Variants in ANKRD31 observed in about 807,000 individuals in gnomAD.
ANKRD31 encodes the protein ankyrin repeat domain 31, also known as ankyrin repeat domain-containing protein 31.
In ANKRD31, 147 loss-of-function variants were observed where a neutral mutation model predicts 186.0. The ratio of observed to expected loss-of-function variants is 0.79; its 90% CI spans 0.69 to 0.91. ANKRD31 has a LOEUF of 0.91. ANKRD31 is among the 40% of genes least tolerant of loss of function. The pLI, the probability that ANKRD31 is intolerant of heterozygous loss-of-function variation, is 0.00. For synonymous variants in ANKRD31, 673 were observed against 736.4 expected (o/e 0.91, Z 1.39); for missense variants, 1,986 against 2,148.8 (o/e 0.92, Z 1.50).
intron 3 of ANKRD31, among the ~76,000 whole-genome samples, chr5:75,220,279 C>G (rs1757205056): frequency 6.6e-6 from 1 of 152,078 alleles, no homozygotes; most frequent in Non-Finnish European, 1.5e-5. Context: ...ATACATCTGA[C>G]AAAGGTCTAA....
chr5:75,136,512 C>G (rs557428602), intron 17 of ANKRD31, among the ~76,000 whole-genome samples: 9 of 152,178 alleles, frequency 5.9e-5, no homozygotes, highest in Admixed American at 5.2e-4. Flanking sequence ...AGTCAGGAAA[C>G]AACAGGTGCT....
intron 22 of ANKRD31, among the ~76,000 whole-genome samples, chr5:75,103,453 G>T (rs1368961437): frequency 1.3e-5 from 2 of 152,154 alleles, no homozygotes; most frequent in African/African-American, 4.8e-5. Context: ...ATTCCTCAAA[G>T]ATCTAGAACC....
chr5:75,201,700 G>C (rs1755833223), intron 5 of ANKRD31, among the ~76,000 whole-genome samples: 2 of 152,122 alleles, frequency 1.3e-5, no homozygotes, highest in South Asian at 4.1e-4. Context: ...ACCAAAGTTG[G>C]TTCAGGCCTT....
At chr5:75,218,021 A>C (rs1757066742) in intron 3 of ANKRD31, among the ~76,000 whole-genome samples, 1 of 152,132 alleles carries the variant, frequency 6.6e-6, no homozygotes, top group Non-Finnish European at 1.5e-5. Context: ...AACTAAACAT[A>C]CAACTAGAAG....
chr5:75,088,773 T>C lies in ANKRD31; in HGVS notation c.5472+2488A>G, dbSNP rs1247418631. ...TCCCAAACCTTTGTTTTCATATCCA[T>C]GAACAGAAATAATAGTTGATCTTCC... On this transcript the variant is annotated intron_variant, in intron 23 of 25. Coordinates refer to ENST00000506364, the MANE Select transcript of ANKRD31 (RefSeq NM_001372053.1). 4.6e-5 allele frequency among the ~76,000 whole-genome samples: 7 copies of C among 152,314 alleles called. No homozygotes were observed. The East Asian group carries it at 9.6e-4, about 21-fold the overall frequency.
intron 11 of ANKRD31, among the ~76,000 whole-genome samples, chr5:75,157,484 T>A (rs1378406968): frequency 6.6e-6 from 1 of 152,190 alleles, no homozygotes; most frequent in Non-Finnish European, 1.5e-5. Flanking sequence ...ATTTGGGAAA[T>A]TCTGTCCATC....
At chr5:75,199,861 T>A (rs1351865493) in intron 5 of ANKRD31, among the ~76,000 whole-genome samples, 187 bp from the exon 6 acceptor site, 1 of 152,198 alleles carries the variant, frequency 6.6e-6, no homozygotes, top group East Asian at 1.9e-4. Flanking sequence ...ATAAAATTCT[T>A]GCATTTCTTA....
chr5:75,159,048 A>G (rs1752399066), intron 11 of ANKRD31, among the ~76,000 whole-genome samples: 2 of 152,174 alleles, frequency 1.3e-5, no homozygotes, highest in Non-Finnish European at 2.9e-5. Flanking sequence ...AAAAAAATCA[A>G]ATGGAAATTC....
chr5:75,094,144 G>C (rs1177028955), intron 22 of ANKRD31, among the ~76,000 whole-genome samples: 2 of 152,178 alleles, frequency 1.3e-5, no homozygotes, highest in Non-Finnish European at 2.9e-5. Context: ...AAAGAGGTAG[G>C]TGGGAGCAAA....
intron 18 of ANKRD31, 112 bp from the exon 19 acceptor site, chr5:75,116,793 A>G: frequency 2.0e-6 from 1 of 502,066 alleles, no homozygotes. Context: ...CAACTATTAT[A>G]ATATCTTAAC....
chr5:75,078,158 C>T (rs1175105464), intron 25 of ANKRD31, among the ~76,000 whole-genome samples: 6 of 151,862 alleles, frequency 4.0e-5, no homozygotes, highest in East Asian at 1.9e-4. Context: ...GAAAAAGAAT[C>T]GAGAGTGGTA....
At chr5:75,208,259 T>C (rs1378654830) in intron 4 of ANKRD31, among the ~76,000 whole-genome samples, 2 of 152,140 alleles carry the variant, frequency 1.3e-5, no homozygotes, top group South Asian at 4.1e-4. Context: ...GGGAGGAGTA[T>C]TTTAATAGCC....
chr5:75,166,508 T>G (rs1189640629), intron 11 of ANKRD31, among the ~76,000 whole-genome samples: 1 of 152,068 alleles, frequency 6.6e-6, no homozygotes, highest in African/African-American at 2.4e-5. Flanking sequence ...AAGGGTTCAC[T>G]GTAGACACAC....
At chr5:75,081,950 AC>A (rs1429442008) in intron 24 of ANKRD31, among the ~76,000 whole-genome samples, 1 of 152,126 alleles carries the variant, frequency 6.6e-6, no homozygotes, top group Non-Finnish European at 1.5e-5. Flanking sequence ...ACTGGGCCTT[AC>A]CCCATGATTT....
At chr5:75,103,538 A>T (rs1747082025) in intron 22 of ANKRD31, among the ~76,000 whole-genome samples, 1 of 152,230 alleles carries the variant, frequency 6.6e-6, no homozygotes, top group South Asian at 2.1e-4. Context: ...TGTTACAAAG[A>T]TACATGCACA....
intron 20 of ANKRD31, among the ~76,000 whole-genome samples, chr5:75,108,819 G>A (rs767851217): frequency 5.9e-5 from 9 of 152,092 alleles, no homozygotes; most frequent in Non-Finnish European, 1.3e-4. Flanking sequence ...ATTTTGTTCA[G>A]CAGATTTGAC....
intron 19 of ANKRD31, among the ~76,000 whole-genome samples, 175 bp from the exon 20 acceptor site, chr5:75,112,775 G>T (rs150382008): frequency 6.6e-6 from 1 of 152,136 alleles, no homozygotes; most frequent in Non-Finnish European, 1.5e-5. Flanking sequence ...TATAAATGTT[G>T]CAGATTTGAA....
chr5:75,104,198 C>T, intron 22 of ANKRD31, 30 bp downstream of exon 22: 2 of 1,428,284 alleles, frequency 1.4e-6, no homozygotes, highest in Non-Finnish European at 1.8e-6. Context: ...ATAAAATTTG[C>T]ATGATTTTAG....
intron 9 of ANKRD31, among the ~76,000 whole-genome samples, chr5:75,189,821 T>C (rs1428869174): frequency 1.3e-5 from 2 of 152,208 alleles, no homozygotes; most frequent in East Asian, 3.8e-4. Flanking sequence ...TTAGATGTTG[T>C]CAAATGCTTT....
Sources: allele counts gnomAD v4.1 joint callset (sites outside exome capture counted in the v4.1 genomes callset), GRCh38; gene constraint gnomAD v4.1.1; transcripts MANE v1.5; gene names NCBI Gene and HGNC (gene_info 2026-07-23, HGNC 2026-07-21).